Variants in IRAK2 observed in about 807,000 individuals in gnomAD.
IRAK2 encodes interleukin-1 receptor-associated kinase-like 2.
IRAK2 carries 57 observed loss-of-function variants against 72.0 expected under a neutral mutation model. That is an observed-to-expected ratio of 0.79 (90% confidence interval 0.64 to 0.99). The LOEUF (loss-of-function observed/expected upper bound fraction) is 0.99. IRAK2 is among the 50% of genes least tolerant of loss of function. IRAK2 has a pLI of 0.00. For synonymous variants in IRAK2, 293 were observed against 312.7 expected, an observed-to-expected ratio of 0.94 and a Z score of 0.67; for missense variants, 790 against 794.4, an observed-to-expected ratio of 0.99 and a Z score of 0.07.
intron 4 of IRAK2, among the ~76,000 whole-genome samples, chr3:10,212,496 G>A (rs1330153990): frequency 1.3e-5 from 2 of 152,058 alleles, no homozygotes; most frequent in Non-Finnish European, 1.5e-5. Context: ...CAAGAGTGCT[G>A]AGCTCGGCCA....
intron 2 of IRAK2, among the ~76,000 whole-genome samples, chr3:10,195,958 G>A (rs183206122): frequency 2.1e-4 from 32 of 152,306 alleles, no homozygotes; most frequent in Middle Eastern, 3.4e-3. Context: ...TGGGAAAGAT[G>A]AGGACTGGGA....
At chr3:10,201,353 G>A (rs11927210) in intron 3 of IRAK2, among the ~76,000 whole-genome samples, 2,576 of 152,308 alleles carry the variant, frequency 0.017, 61 homozygotes, top group African/African-American at 0.058. Flanking sequence ...GCTCTGGACC[G>A]GATGTCTGAC....
chr3:10,238,567 A>T (rs1267604138), intron 11 of IRAK2, among the ~76,000 whole-genome samples, 181 bp from the exon 12 acceptor site: 1 of 152,146 alleles, frequency 6.6e-6, no homozygotes, highest in African/African-American at 2.4e-5. Context: ...CATCTATGAC[A>T]GGGCGGTTGG....
Position 10,219,672 on chromosome 3 carries a change from T to A in IRAK2, c.904-8T>A, listed in dbSNP as rs751248349. On this transcript the variant is annotated splice_polypyrimidine_tract_variant and splice_region_variant and intron_variant, in intron 7 of 12. Coordinates refer to ENST00000256458, the MANE Select transcript of IRAK2 (RefSeq NM_001570.4). ...GACTATTTGTCCTCCTGCTTTTCTT[T>A]CTCTTAGGGTGGCTCGGACCCCCTC... 6.2e-7 allele frequency: 1 copy of A among 1,608,904 alleles called. No individual in the cohort carries two copies. Among genetic ancestry groups the A allele is most frequent in the Non-Finnish European group, 8.5e-7 (1 of 1,175,480 alleles).
intron 1 of IRAK2, among the ~76,000 whole-genome samples, chr3:10,168,357 T>G (rs1166412410): frequency 6.6e-6 from 1 of 151,940 alleles, no homozygotes; most frequent in African/African-American, 2.4e-5. Flanking sequence ...ATTACAGGCA[T>G]GCACCACCGT....
At chr3:10,233,677 T>C (rs1384732556) in intron 10 of IRAK2, among the ~76,000 whole-genome samples, 1 of 152,188 alleles carries the variant, frequency 6.6e-6, no homozygotes, top group African/African-American at 2.4e-5. Context: ...GTCCATGTAG[T>C]TAATAAGATT....
rs1696656669 is a variant in IRAK2 at position 10,165,018 on chromosome 3, G to T, written c.64G>T (p.Ala22Ser). Residue 22 changes from alanine to serine, a missense_variant, in exon 1 of 13, where the codon GCG becomes TCG. Coordinates refer to ENST00000256458, the MANE Select transcript of IRAK2 (RefSeq NM_001570.4). ...VLDDLCRNMD[A>S]LSEWDWMEFA... ...GGACGACCTGTGCCGCAACATGGAC[G>T]CGCTCAGCGAGTGGGACTGGATGGA... 6.2e-7 allele frequency: 1 copy of T among 1,611,600 alleles called. No individual in the cohort carries two copies.
At chr3:10,239,193 A>G (rs920719111) in intron 12 of IRAK2, among the ~76,000 whole-genome samples, 154 bp downstream of exon 12, 3 of 152,196 alleles carry the variant, frequency 2.0e-5, no homozygotes, top group African/African-American at 4.8e-5. Flanking sequence ...CCTGGGAGGC[A>G]TCCTTGACAC....
intron 2 of IRAK2, among the ~76,000 whole-genome samples, chr3:10,199,656 G>A (rs1697323572): frequency 6.6e-6 from 1 of 152,104 alleles, no homozygotes; most frequent in South Asian, 2.1e-4. Flanking sequence ...AGGGAAATGT[G>A]CAGTCTACAG....
chr3:10,192,874 G>A (rs1161552508), intron 2 of IRAK2, among the ~76,000 whole-genome samples: 6 of 152,206 alleles, frequency 3.9e-5, no homozygotes, highest in Non-Finnish European at 8.8e-5. Flanking sequence ...AGCAGAGATC[G>A]TGCCACTGTA....
At chr3:10,178,731 A>T (rs896426164) in intron 2 of IRAK2, among the ~76,000 whole-genome samples, 1 of 152,230 alleles carries the variant, frequency 6.6e-6, no homozygotes, top group Non-Finnish European at 1.5e-5. Flanking sequence ...AATGATTGGT[A>T]AAAATTTCTG....
intron 3 of IRAK2, among the ~76,000 whole-genome samples, chr3:10,203,100 G>A (rs562391980): frequency 9.2e-5 from 14 of 152,060 alleles, no homozygotes; most frequent in Non-Finnish European, 1.5e-4. Context: ...GGGTTCAAGC[G>A]ATCCTGCTGC....
intron 6 of IRAK2, 94 bp from the exon 7 acceptor site, chr3:10,216,840 T>A: frequency 1.1e-6 from 1 of 909,606 alleles, no homozygotes. Flanking sequence ...TTGGTGGCGT[T>A]GGAGGAGGAG....
intron 1 of IRAK2, among the ~76,000 whole-genome samples, chr3:10,169,828 G>T (rs917037215): frequency 6.6e-6 from 1 of 152,178 alleles, no homozygotes; most frequent in Non-Finnish European, 1.5e-5. Context: ...ACAGGCATAG[G>T]AAATTATAAG....
chr3:10,221,248 A>ATTTTTTTTTTT (rs34742796), intron 8 of IRAK2, among the ~76,000 whole-genome samples: 1 of 89,714 alleles, frequency 1.1e-5, no homozygotes, highest in Non-Finnish European at 2.0e-5. Flanking sequence ...AAAAAAAAAA[A>ATTTTTTTTTTT]TTTTTTTTTT....
At chr3:10,195,083 C>T (rs761785006) in intron 2 of IRAK2, among the ~76,000 whole-genome samples, 1 of 152,120 alleles carries the variant, frequency 6.6e-6, no homozygotes, top group Non-Finnish European at 1.5e-5. Context: ...GCAGAAGGAA[C>T]AAGAAAAAGA....
At chr3:10,182,407 C>T (rs1487049075) in intron 2 of IRAK2, among the ~76,000 whole-genome samples, 5 of 151,946 alleles carry the variant, frequency 3.3e-5, no homozygotes, top group Admixed American at 1.3e-4. Flanking sequence ...CTCAGCCTCC[C>T]GAGTAGGTGG....
intron 5 of IRAK2, 24 bp downstream of exon 5, chr3:10,213,425 G>A (rs762458454): frequency 4.3e-6 from 7 of 1,613,410 alleles, no homozygotes; most frequent in Non-Finnish European, 5.1e-6. Flanking sequence ...GGTTTCTAGT[G>A]GGGGTGGAGG....
chr3:10,209,199 G>A (rs904012257), intron 3 of IRAK2, among the ~76,000 whole-genome samples: 2 of 152,164 alleles, frequency 1.3e-5, no homozygotes, highest in Non-Finnish European at 2.9e-5. Flanking sequence ...AGGCAGGCTT[G>A]GTAGCTAGTT....
Sources: gnomAD v4.1 joint callset for allele counts (sites outside exome capture counted in the v4.1 genomes callset) on GRCh38, gnomAD v4.1.1 for gene constraint, MANE v1.5 for transcripts, NCBI Gene and HGNC (gene_info 2026-07-23, HGNC 2026-07-21) for gene names.